SGCD: variants seen among roughly 807,000 people sequenced by gnomAD.
The protein encoded by SGCD is delta-sarcoglycan.
SGCD carries 18 observed loss-of-function variants against 36.6 expected under a neutral mutation model. The observed-to-expected ratio is 0.49, with a 90% CI of 0.34 to 0.73. The LOEUF is 0.73. Among genes scored for constraint, SGCD ranks in the 30% least tolerant of loss-of-function variants. The probability of loss-of-function intolerance (pLI) is 0.01; values close to 1 mark genes in which losing one functional copy is unlikely to be tolerated. For synonymous variants in SGCD, 133 were observed against 130.6 expected, an observed-to-expected ratio of 1.02 and a Z score of -0.12; for missense variants, 387 against 346.7, an observed-to-expected ratio of 1.12 and a Z score of -0.92.
intron 7 of SGCD, among the ~76,000 whole-genome samples, chr5:156,695,277 AC>A (rs1754266638): frequency 1.3e-5 from 2 of 152,078 alleles, no homozygotes; most frequent in African/African-American, 4.8e-5. Context: ...TAAATGGTAG[AC>A]TTTGAGTAAA....
At chr5:155,763,761 A>G in the SGCD span, among the ~76,000 whole-genome samples, 1 of 152,184 alleles carries the variant, frequency 6.6e-6, no homozygotes, top group South Asian at 2.1e-4. Flanking sequence ...GAAGAACACA[A>G]TGAATAGTAT....
chr5:156,247,857 A>G (rs1367827477), intron 3 of SGCD, among the ~76,000 whole-genome samples: 4 of 152,206 alleles, frequency 2.6e-5, no homozygotes, highest in South Asian at 2.1e-4. Flanking sequence ...TTGTGTTGCA[A>G]TAAGCCTTTG....
intron 3 of SGCD, among the ~76,000 whole-genome samples, chr5:156,431,023 A>G (rs1321151305): frequency 6.6e-6 from 1 of 152,108 alleles, no homozygotes; most frequent in Admixed American, 6.5e-5. Flanking sequence ...TAGATATAAT[A>G]CTCAATGGTG....
intron 4 of SGCD, among the ~76,000 whole-genome samples, chr5:156,567,117 T>G (rs949975778): frequency 6.6e-6 from 1 of 152,192 alleles, no homozygotes; most frequent in Non-Finnish European, 1.5e-5. Flanking sequence ...GACAGTTTTT[T>G]GGATACTTTG....
chr5:156,186,866 G>A (rs1446050971), intron 3 of SGCD, among the ~76,000 whole-genome samples: 1 of 152,176 alleles, frequency 6.6e-6, no homozygotes, highest in Admixed American at 6.5e-5. Context: ...CAGCCAGATA[G>A]CTCTGCCTTT....
At position 155,891,558 on chromosome 5, in the gene SGCD, C is replaced by CTTTTTTTTTT. The variant is rs372399423; in HGVS notation, c.-282+21144_-282+21153dup. Among the ~76,000 whole-genome samples the CTTTTTTTTTT allele has an allele frequency of 7.6e-4, 46 of 60,742 alleles. 5 individuals are homozygous for CTTTTTTTTTT. Among genetic ancestry groups the CTTTTTTTTTT allele is most frequent in the African/African-American group, 8.2e-4 (12 of 14,594 alleles). The allele number at this position is 60,742 out of a possible 152,430, so 39.8% of individuals were successfully genotyped here. A position where few individuals can be genotyped will look rare whatever the true frequency, so the allele number is the denominator to read the frequency against. ...CAAATTCCAGAGAAAAATAAATACT[C>CTTTTTTTTTT]TTTTTTTTTTTTTTTTTTTGGTGAC... is the stretch of plus-strand genomic sequence containing the variant. On this transcript the variant is annotated intron_variant, in intron 1 of 9. Transcript: ENST00000517913.
the SGCD span, among the ~76,000 whole-genome samples, chr5:155,785,756 G>C: frequency 6.6e-6 from 1 of 152,110 alleles, no homozygotes; most frequent in African/African-American, 2.4e-5. Flanking sequence ...TTTGTCACCA[G>C]TCTCTTTAAA....
At chr5:156,643,924 T>C (rs1763135086) in intron 6 of SGCD, among the ~76,000 whole-genome samples, 2 of 152,170 alleles carry the variant, frequency 1.3e-5, no homozygotes. Context: ...TTTGAATCTA[T>C]TGAACATTTT....
chr5:156,582,360 T>C (rs1362661542), intron 4 of SGCD, among the ~76,000 whole-genome samples: 1 of 152,226 alleles, frequency 6.6e-6, no homozygotes, highest in Non-Finnish European at 1.5e-5. Flanking sequence ...TTTGTACTGC[T>C]CTTTTATAGT....
chr5:155,871,570 G>A (rs983735881), intron 1 of SGCD, among the ~76,000 whole-genome samples: 4 of 152,120 alleles, frequency 2.6e-5, no homozygotes, highest in Admixed American at 6.5e-5. Context: ...CAGTGCTAGG[G>A]AGCAAAATGT....
chr5:156,142,932 A>G (rs886700843), intron 3 of SGCD, among the ~76,000 whole-genome samples: 4 of 152,252 alleles, frequency 2.6e-5, no homozygotes, highest in African/African-American at 9.6e-5. Flanking sequence ...GCAGAAATTT[A>G]CATAACTGAA....
intron 3 of SGCD, among the ~76,000 whole-genome samples, chr5:156,444,091 TC>T (rs1561699218): frequency 5.1e-5 from 6 of 116,608 alleles, no homozygotes; most frequent in African/African-American, 1.6e-4. Flanking sequence ...TCTCTCTCTC[TC>T]TCTCTCTCTC....
the SGCD span, among the ~76,000 whole-genome samples, chr5:155,793,072 A>C: frequency 6.6e-6 from 1 of 152,238 alleles, no homozygotes; most frequent in Non-Finnish European, 1.5e-5. Context: ...CTATGCAGCC[A>C]TGAAAAAGAA....
chr5:156,321,896 C>T (rs1767682141), upstream of SGCD, among the ~76,000 whole-genome samples: 2 of 152,158 alleles, frequency 1.3e-5, no homozygotes, highest in African/African-American at 2.4e-5. Context: ...TTGAGTACAT[C>T]TCTCCCCCCA....
In SGCD at chr5:156,155,261, CT is replaced by C. The variant is rs61567635; in HGVS notation, c.-44+31247del. ...AGTTTAAATGGTCATAGATATTAGACTTTTTGCCAGAGATACAATAAGGAGT... is the reference window on the plus strand; with the variant it reads ...AGTTTAAATGGTCATAGATATTAGACTTTTGCCAGAGATACAATAAGGAGT... On this transcript the variant is annotated intron_variant, in intron 3 of 9. Transcript: ENST00000517913. Among the ~76,000 whole-genome samples the C allele has an allele frequency of 8.9e-3, 1,347 of 151,558 alleles. 53 individuals carry two copies. Among genetic ancestry groups the C allele is most frequent in the African/African-American group, 0.032 (1,296 of 40,904 alleles).
chr5:156,359,301 A>G (rs1769655148), intron 3 of SGCD, among the ~76,000 whole-genome samples: 1 of 152,216 alleles, frequency 6.6e-6, no homozygotes, highest in Non-Finnish European at 1.5e-5. Context: ...TTACAGGTAT[A>G]TCAACATTGA....
At position 156,310,250 on chromosome 5, in the gene SGCD, C is replaced by T. The variant is rs10073826; in HGVS notation, c.-43-19284C>T. Among the ~76,000 whole-genome samples the T allele has an allele frequency of 3.8e-3, 571 of 152,206 alleles. 2 individuals are homozygous for T. Among genetic ancestry groups the T allele is most frequent in the African/African-American group, 0.013 (543 of 41,528 alleles). On this transcript the variant is annotated intron_variant, in intron 3 of 9. Coordinates refer to the SGCD transcript ENST00000517913. ...ATAAAAAGAAATATAAAGTTGGTGG[C>T]GAGGCACTGGTCTTTTACATCCCTT...
intron 3 of SGCD, among the ~76,000 whole-genome samples, chr5:156,392,869 GACATCCAGCCACCCATGTGCTCCTCCCA>G (rs1258823521): frequency 2.6e-5 from 4 of 152,048 alleles, no homozygotes; most frequent in African/African-American, 9.7e-5. Context: ...CATTCCTCTC[GACATCCAGCCACCCATGTGCTCCTCCCA>G]ACATCCAGCC....
At chr5:155,833,751 G>GCATGATGTA in the SGCD span, among the ~76,000 whole-genome samples, 2 of 152,164 alleles carry the variant, frequency 1.3e-5, no homozygotes, top group Non-Finnish European at 2.9e-5. Context: ...TGTTGCCCCT[G>GCATGATGTA]CATGATGTAT....
Sources: gnomAD v4.1 joint callset for allele counts (sites outside exome capture counted in the v4.1 genomes callset) on GRCh38, gnomAD v4.1.1 for gene constraint, MANE v1.5 for transcripts, NCBI Gene and HGNC (gene_info 2026-07-23, HGNC 2026-07-21) for gene names.